The following RUVBL2 variants were observed in gnomAD, a reference collection of about 807,000 sequenced individuals.
RUVBL2 encodes RuvB like AAA ATPase 2.
RUVBL2 carries 9 observed loss-of-function variants against 57.9 expected under a neutral mutation model. That is an observed-to-expected ratio of 0.16 (90% CI 0.09 to 0.27). RUVBL2 has a LOEUF of 0.27. Ranked by LOEUF, RUVBL2 falls within the 10% of genes least tolerant of loss-of-function variation. RUVBL2 has a pLI of 1.00. For missense variants in RUVBL2, 456 were observed against 669.6 expected (o/e 0.68, Z 3.52); for synonymous variants, 278 against 264.6 (o/e 1.05, Z -0.49).
At position 49,010,256 on chromosome 19, in the gene RUVBL2, A is replaced by G. The variant is rs558032159; in HGVS notation, c.663+190A>G. 5.7e-6 allele frequency: 4 copies of G among 697,642 alleles called. No individual in the cohort carries two copies. In the East Asian group the frequency reaches 8.1e-5, roughly 14 times the overall value. 43.2% of individuals were successfully genotyped at this position (697,642 alleles called of 1,614,324 possible). On this transcript the variant is annotated intron_variant, in intron 8 of 14. Coordinates refer to ENST00000595090, the MANE Select transcript of RUVBL2 (RefSeq NM_006666.3). ...CCTGGCACTATAGCTTCGCATGGCCACATGTGGCCTGTGGCTTCTAAGGTC... is the reference window on the plus strand; with the variant it reads ...CCTGGCACTATAGCTTCGCATGGCCGCATGTGGCCTGTGGCTTCTAAGGTC...
chr19:49,010,467 T>TGGGCCC, intron 8 of RUVBL2, 21 bp from the exon 9 acceptor site: 2 of 1,401,186 alleles, frequency 1.4e-6, no homozygotes, highest in Non-Finnish European at 2.0e-6. Flanking sequence ...CCGCCGTTCT[T>TGGGCCC]CCCCCACCCC....
chr19:49,007,275 G>C (rs1331340082), intron 5 of RUVBL2, 27 bp from the exon 6 acceptor site: 3 of 1,611,568 alleles, frequency 1.9e-6, no homozygotes, highest in Non-Finnish European at 2.5e-6. Context: ...GTGTCAGGCT[G>C]TCTCCTCAGA....
In RUVBL2 at chr19:49,007,147, A is replaced by G. The variant is rs1448706520; in HGVS notation, c.395A>G (p.Lys132Arg). The change falls in exon 5 of 15, where the codon AAG (lysine) becomes AGG (arginine). Residue 132 changes from lysine to arginine, a missense_variant and splice_region_variant. Around this residue, in one of 5 missense-constraint regions of RUVBL2, gnomAD observed 233 missense variants for 306.0 expected, o/e 0.76. Coordinates refer to ENST00000595090, the MANE Select transcript of RUVBL2 (RefSeq NM_006666.3). ...CGGCGGTCCATCGGCGTTCGCATCA[A>G]GTAAGCGGGGGACCCGAGGCGGGTG... The part of the protein sequence containing the change: ...AFRRSIGVRI[K>R]EETEIIEGEV... 7 of 1,613,228 alleles carry G rather than the reference A, an allele frequency of 4.3e-6. No homozygotes were observed. The African/African-American group carries it at 8.0e-5, about 18-fold the overall frequency.
At chr19:48,993,611 T>C, upstream of RUVBL2, 1 of 547,106 alleles carries the variant, frequency 1.8e-6, no homozygotes, top group East Asian at 3.1e-5. Context: ...GGAGGACGTG[T>C]GGTTACTCAA....
chr19:48,998,267 CAAG>C (rs1445451390), intron 1 of RUVBL2, among the ~76,000 whole-genome samples: 2 of 152,198 alleles, frequency 1.3e-5, no homozygotes, highest in Non-Finnish European at 2.9e-5. Flanking sequence ...CCAGCATGTG[CAAG>C]GCCTGGTGGT....
In RUVBL2 at chr19:49,010,988, G is replaced by C. The variant is rs1024426933; in HGVS notation, c.788-11G>C. On this transcript the variant is annotated splice_polypyrimidine_tract_variant and intron_variant, in intron 9 of 14. Transcript: ENST00000595090. ...CTCTGGCTTCCCTGATGCAACCTGT[G>C]CCTCCCATAGGTGACACAGGGGAGA... 7 of 1,608,456 alleles carry C rather than the reference G, an allele frequency of 4.4e-6. No individual in the cohort carries two copies. The highest frequency in any genetic ancestry group is 1.3e-5 in the African/African-American group (1 of 74,980).
At chr19:48,995,829 C>CA (rs879615420) in intron 1 of RUVBL2, among the ~76,000 whole-genome samples, 6 of 151,020 alleles carry the variant, frequency 4.0e-5, no homozygotes, top group Non-Finnish European at 5.9e-5. Flanking sequence ...ATTAAAAATA[C>CA]AAAAAAAATT....
chr19:49,010,118 A>C, intron 8 of RUVBL2, 52 bp downstream of exon 8: 1 of 1,481,034 alleles, frequency 6.8e-7, no homozygotes, highest in Non-Finnish European at 9.3e-7. Flanking sequence ...GGGTGTTTTC[A>C]TCTCCTCCAT....
At position 49,003,318 on chromosome 19, in the gene RUVBL2, C is replaced by T. The variant is rs368083086; in HGVS notation, c.107C>T (p.Ala36Val). Reference protein sequence around the residue: ...SHIRGLGLDDALEPRQASQGM... With the variant: ...SHIRGLGLDDVLEPRQASQGM... ...ATCCGGGGACTGGGGCTGGACGATG[C>T]CTTGGAGCCTCGGCAGGTAGAGCAG... Residue 36 changes from alanine (A) to valine (V), a missense_variant, in exon 3 of 15, where the codon GCC becomes GTC. Transcript: ENST00000595090. 2 of 1,613,976 alleles carry T rather than the reference C, an allele frequency of 1.2e-6. No homozygotes were observed. The highest frequency in any genetic ancestry group is 1.3e-5 in the African/African-American group (1 of 75,002).
At chr19:49,008,042 T>C (rs1362179755) in intron 6 of RUVBL2, among the ~76,000 whole-genome samples, 1 of 147,212 alleles carries the variant, frequency 6.8e-6, no homozygotes, top group Non-Finnish European at 1.5e-5. Context: ...TTACAATTTC[T>C]GTTTTCTCCT....
At position 48,996,643 on chromosome 19, in the gene RUVBL2, A is replaced by T. The variant is rs374197988; in HGVS notation, c.13-2676A>T. Among the ~76,000 whole-genome samples, 611 of 152,168 alleles carry T rather than the reference A, an allele frequency of 4.0e-3. 2 individuals carry two copies. The highest frequency in any genetic ancestry group is 0.014 in the African/African-American group (571 of 41,512). On this transcript the variant is annotated intron_variant, in intron 1 of 14. Coordinates refer to ENST00000595090, the MANE Select transcript of RUVBL2 (RefSeq NM_006666.3). ...TGGGTTCAAGCAATTCTCCTGCCTCAGCCTCCCAAGTACCTGGGATTACAG... is the reference window on the plus strand; with the variant it reads ...TGGGTTCAAGCAATTCTCCTGCCTCTGCCTCCCAAGTACCTGGGATTACAG...
intron 2 of RUVBL2, among the ~76,000 whole-genome samples, chr19:49,002,097 G>A (rs1193359795): frequency 6.6e-6 from 1 of 151,566 alleles, no homozygotes; most frequent in Non-Finnish European, 1.5e-5. Flanking sequence ...TGCCCAGGCT[G>A]GAGTGCAGTG....
In RUVBL2 at chr19:48,996,184, A is replaced by G. The variant is rs553087498; in HGVS notation, c.12+2261A>G. Among the ~76,000 whole-genome samples, 4 of 151,666 alleles carry G rather than the reference A, an allele frequency of 2.6e-5. No individual in the cohort carries two copies. The South Asian group carries it at 8.3e-4, about 32-fold the overall frequency. On this transcript the variant is annotated intron_variant, in intron 1 of 14. Transcript: ENST00000595090. ...AAACACAAACCTGTGGGAAGGAAGG[A>G]GACCTGGGGATGGGTGGCCTCGGTT...
intron 3 of RUVBL2, 95 bp downstream of exon 3, chr19:49,003,429 G>T: frequency 5.2e-6 from 6 of 1,158,760 alleles, no homozygotes; most frequent in Non-Finnish European, 7.6e-6. Context: ...CTATGTTACG[G>T]TCTTCTGGAC....
chr19:48,997,617 A>T (rs182623509), intron 1 of RUVBL2, among the ~76,000 whole-genome samples: 225 of 143,896 alleles, frequency 1.6e-3, no homozygotes, highest in Non-Finnish European at 2.5e-3. Flanking sequence ...TGACAGAGTG[A>T]GACTATGTCT....
upstream of RUVBL2, chr19:48,993,549 A>C: frequency 2.2e-6 from 1 of 457,456 alleles, no homozygotes; most frequent in Non-Finnish European, 4.0e-6. Flanking sequence ...CTGGAGCTGG[A>C]GGCCTCAAAG....
intron 1 of RUVBL2, chr19:48,994,167 A>G: frequency 1.7e-6 from 1 of 577,702 alleles, no homozygotes. Flanking sequence ...TGGCCCCATC[A>G]TGCTATAGGA....
rs766668999 is a variant in RUVBL2, at chr19:49,004,247, A to G, written c.124-30A>G. The G allele has an allele frequency of 1.9e-6, 3 of 1,607,298 alleles. No individual in the cohort carries two copies. The Admixed American group carries it at 5.0e-5, about 27-fold the overall frequency. On this transcript the variant is annotated intron_variant, in intron 3 of 14. Coordinates refer to ENST00000595090, the MANE Select transcript of RUVBL2 (RefSeq NM_006666.3). ...GAAATGCCATGGTAGCCCCACAGGA[A>G]ATCACCTCATGTGCGCCTCCCACCC...
At chr19:48,995,619 TAGA>T (rs1452958001) in intron 1 of RUVBL2, among the ~76,000 whole-genome samples, 1 of 151,382 alleles carries the variant, frequency 6.6e-6, no homozygotes, top group African/African-American at 2.4e-5. Context: ...GAGTCCGAGG[TAGA>T]AGGATTGCTT....
Sources: allele counts gnomAD v4.1 joint callset (sites outside exome capture counted in the v4.1 genomes callset), GRCh38; gene constraint gnomAD v4.1.1; regional missense constraint gnomAD v4.1.1; transcripts MANE v1.5; gene names NCBI Gene and HGNC (gene_info 2026-07-23, HGNC 2026-07-21).